Variants in PUS10 observed in about 807,000 individuals in gnomAD.
PUS10 encodes tRNA pseudouridine synthase Pus10.
Under a neutral mutation model 75.0 loss-of-function variants are expected in PUS10, and 59 were observed. That is an observed-to-expected ratio of 0.79 (90% CI 0.64 to 0.98). PUS10 has a LOEUF of 0.98. Ranked by LOEUF, PUS10 falls within the 50% of genes least tolerant of loss-of-function variation. The pLI, the probability that PUS10 is intolerant of heterozygous loss-of-function variation, is 0.00. For synonymous variants in PUS10, 219 were observed against 211.6 expected (o/e 1.03, Z -0.30); for missense variants, 650 against 614.4 (o/e 1.06, Z -0.61).
At chr2:60,970,683 A>G (rs1270127974) in intron 5 of PUS10, among the ~76,000 whole-genome samples, 1 of 152,140 alleles carries the variant, frequency 6.6e-6, no homozygotes, top group African/African-American at 2.4e-5. Flanking sequence ...GATATACATG[A>G]TCTCTAACAT....
Position 60,991,283 on chromosome 2 carries a change from T to C in PUS10, c.468+15274A>G, listed in dbSNP as rs991357613. Among the ~76,000 whole-genome samples the C allele has an allele frequency of 8.5e-5, 13 of 152,174 alleles. 1 individual carries two copies. The highest frequency in any genetic ancestry group is 7.9e-4 in the Admixed American group (12 of 15,270). On this transcript the variant is annotated intron_variant, in intron 4 of 17. Coordinates refer to ENST00000316752, the MANE Select transcript of PUS10 (RefSeq NM_144709.4). ...AATAAAGGGTAATACACAAGATGAA[T>C]ATGTAGGTAAATCTGTGAATATTGA...
chr2:60,979,079 C>G (rs773272231), intron 4 of PUS10, among the ~76,000 whole-genome samples: 13 of 151,808 alleles, frequency 8.6e-5, no homozygotes, highest in Non-Finnish European at 1.8e-4. Context: ...TTAGCAGTAC[C>G]CCCTGCTCCA....
intron 2 of PUS10, chr2:61,010,965 T>A: frequency 6.7e-6 from 10 of 1,482,058 alleles, no homozygotes; most frequent in Non-Finnish European, 8.2e-6. Flanking sequence ...TGACATATAG[T>A]AATGATAATT....
At position 61,011,885 on chromosome 2, in the gene PUS10, G is replaced by A. The variant is rs550132313; in HGVS notation, c.6C>T (p.Phe2=). Residue 2 remains phenylalanine (F), a synonymous_variant, in exon 2 of 18, where the codon TTC becomes TTT. Coordinates refer to ENST00000316752, the MANE Select transcript of PUS10 (RefSeq NM_144709.4). ...CATGCTTGTTTTCCTCAGTCAGTGG[G>A]AACATATTGAATAATTATAACTAGA... is the stretch of plus-strand genomic sequence containing the variant. M[F]PLTEENKHVA... is the part of the protein sequence containing the mutation. The A allele has an allele frequency of 3.0e-5, 48 of 1,593,882 alleles. No individual in the cohort carries two copies. The South Asian group carries it at 5.2e-4, about 17-fold the overall frequency.
rs190759823 is a variant in PUS10, at chr2:60,984,341, G to T, written c.469-12784C>A. ...AGTAAACATATAAAAAGATGTAAAA[G>T]TTCACCTGAAAATCAAATAGTACAA... On this transcript the variant is annotated intron_variant, in intron 4 of 17. Transcript: ENST00000316752. Among the ~76,000 whole-genome samples, 1,321 of 152,224 alleles carry T rather than the reference G, an allele frequency of 8.7e-3. 13 individuals carry two copies. The highest frequency in any genetic ancestry group is 0.014 in the Non-Finnish European group (926 of 67,982).
At chr2:61,010,121 A>G (rs564710091) in intron 2 of PUS10, 4 of 152,440 alleles carry the variant, frequency 2.6e-5, no homozygotes, top group South Asian at 2.1e-4. Flanking sequence ...ACGAAAGTTG[A>G]TAACACTCAG....
At chr2:61,004,067 T>C (rs1343258379) in intron 4 of PUS10, among the ~76,000 whole-genome samples, 1 of 152,220 alleles carries the variant, frequency 6.6e-6, no homozygotes, top group African/African-American at 2.4e-5. Flanking sequence ...GATAGTATAT[T>C]GACGTTCGTT....
intron 4 of PUS10, among the ~76,000 whole-genome samples, chr2:60,979,456 G>C (rs1196367210): frequency 6.6e-6 from 1 of 152,158 alleles, no homozygotes; most frequent in Non-Finnish European, 1.5e-5. Flanking sequence ...AGGAAGGTAA[G>C]AGAGGAAGGG....
chr2:60,998,393 T>G (rs1678618672), intron 4 of PUS10, among the ~76,000 whole-genome samples: 1 of 152,152 alleles, frequency 6.6e-6, no homozygotes, highest in Non-Finnish European at 1.5e-5. Context: ...TTTCCAGAAT[T>G]TAAAAAGACA....
Position 61,018,007 on chromosome 2 carries a change from C to A in PUS10, c.-16+1G>T. ...GGCCGAGGTGGAGCTGGGGCGCTTA[C>A]CAGTGGGGACTTTAGTGTCTCACAG... On this transcript the variant is annotated splice_donor_variant, in intron 1 of 17. Transcript: ENST00000316752. LOFTEE classifies it low-confidence loss of function (5UTR_SPLICE). The A allele has an allele frequency of 7.4e-7, 1 of 1,349,478 alleles. No homozygotes were observed. Among genetic ancestry groups the A allele is most frequent in the Admixed American group, 2.5e-5 (1 of 40,424 alleles). The allele number at this position is 1,349,478 out of a possible 1,614,324, so 83.6% of individuals were successfully genotyped here.
chr2:61,009,459 A>G (rs1679460767), intron 2 of PUS10, among the ~76,000 whole-genome samples: 2 of 152,238 alleles, frequency 1.3e-5, no homozygotes, highest in Non-Finnish European at 2.9e-5. Context: ...CACAAGTACA[A>G]TATTTATTTA....
At chr2:60,992,562 A>AC (rs377415291) in intron 4 of PUS10, among the ~76,000 whole-genome samples, 381 of 152,222 alleles carry the variant, frequency 2.5e-3, no homozygotes, top group African/African-American at 8.9e-3. Context: ...ACATCATAAC[A>AC]CCCCAGCCTC....
chr2:60,988,654 G>C (rs1469845367), intron 4 of PUS10, among the ~76,000 whole-genome samples: 2 of 152,098 alleles, frequency 1.3e-5, no homozygotes, highest in African/African-American at 2.4e-5. Context: ...TTTGTTTTTT[G>C]AGATGGAGTC....
intron 4 of PUS10, among the ~76,000 whole-genome samples, chr2:61,001,292 CT>C (rs35762308): frequency 1.6e-3 from 226 of 145,346 alleles, no homozygotes; most frequent in Admixed American, 1.7e-3. Flanking sequence ...GCCACCTCTT[CT>C]TTTTTTTTTT....
At chr2:60,977,257 T>C (rs1053972936) in intron 4 of PUS10, among the ~76,000 whole-genome samples, 1 of 151,954 alleles carries the variant, frequency 6.6e-6, no homozygotes, top group Non-Finnish European at 1.5e-5. Flanking sequence ...GGAGAAAGGA[T>C]AGAGACAGAG....
chr2:60,964,899 G>A (rs560232896), intron 8 of PUS10, among the ~76,000 whole-genome samples, 159 bp downstream of exon 8: 31 of 152,212 alleles, frequency 2.0e-4, no homozygotes, highest in Admixed American at 1.2e-3. Flanking sequence ...TGAAAAAGTT[G>A]AAAAACAAAA....
intron 4 of PUS10, among the ~76,000 whole-genome samples, chr2:60,974,437 C>T (rs113817804): frequency 6.6e-6 from 1 of 152,032 alleles, no homozygotes; most frequent in Non-Finnish European, 1.5e-5. Context: ...TCTTCCTGGA[C>T]GCAAGACAAG....
intron 4 of PUS10, among the ~76,000 whole-genome samples, chr2:61,006,252 C>A (rs1306508343): frequency 1.3e-5 from 2 of 152,300 alleles, no homozygotes; most frequent in East Asian, 3.9e-4. Context: ...CTAGTCAAAT[C>A]TCTTTCTCTG....
chr2:60,942,148 T>A lies in PUS10; in HGVS notation c.*247A>T. ...AGGAGAATTATTTCATTATTCATAG[T>A]TTGGTTTGTGGGGGTGAAAGAGGGA... On this transcript the variant is annotated 3_prime_UTR_variant, in exon 18 of 18. Transcript: ENST00000316752. 1 of 440,414 alleles carries A rather than the reference T, an allele frequency of 2.3e-6. No individual in the cohort carries two copies. 27.3% of individuals were successfully genotyped at this position (440,414 alleles called of 1,614,324 possible).
Sources: allele counts gnomAD v4.1 joint callset (sites outside exome capture counted in the v4.1 genomes callset), GRCh38; gene constraint gnomAD v4.1.1; transcripts MANE v1.5; gene names NCBI Gene and HGNC (gene_info 2026-07-23, HGNC 2026-07-21).